The following SCMH1 variants were observed in gnomAD, a reference collection of about 807,000 sequenced individuals.
The protein encoded by SCMH1 is Scm polycomb group protein homolog 1, also known as polycomb protein SCMH1.
A neutral mutation model predicts 70.8 loss-of-function variants in SCMH1; 37 were observed. The ratio of observed to expected loss-of-function variants is 0.52; its 90% CI spans 0.40 to 0.69. The LOEUF (loss-of-function observed/expected upper bound fraction) is 0.69, where lower values mean the gene tolerates loss of function less well. Ranked by LOEUF, SCMH1 falls within the 30% of genes least tolerant of loss-of-function variation. SCMH1 has a pLI of 0.00. For missense variants in SCMH1, 607 were observed against 827.3 expected (o/e 0.73, Z 3.27); for synonymous variants, 292 against 307.4 (o/e 0.95, Z 0.52).
Position 41,037,361 on chromosome 1 carries a change from C to T in SCMH1, c.1678+1G>A, listed in dbSNP as rs772619936. On this transcript the variant is annotated splice_donor_variant, in intron 13 of 14. Transcript: ENST00000337495. LOFTEE classifies it high-confidence loss of function. ...GAGGGCCAGGACTCTGGTAAGCTTA[C>T]CCCTGGAGCATAGCCTGCGCACAGC... 6.2e-7 allele frequency: 1 copy of T among 1,613,684 alleles called. No individual in the cohort carries two copies. The highest frequency in any genetic ancestry group is 8.5e-7 in the Non-Finnish European group (1 of 1,179,788).
At chr1:41,038,273 C>T (rs1219686173) in intron 12 of SCMH1, among the ~76,000 whole-genome samples, 1 of 152,172 alleles carries the variant, frequency 6.6e-6, no homozygotes, top group Non-Finnish European at 1.5e-5. Flanking sequence ...TTTCTATACC[C>T]AGTCCATGGC....
chr1:41,124,676 T>G (rs549994168), intron 6 of SCMH1, among the ~76,000 whole-genome samples: 1 of 152,070 alleles, frequency 6.6e-6, no homozygotes, highest in Non-Finnish European at 1.5e-5. Flanking sequence ...GGTGCAATCA[T>G]GGCTCACAGC....
intron 6 of SCMH1, among the ~76,000 whole-genome samples, chr1:41,125,953 T>C (rs1023434198): frequency 6.6e-6 from 1 of 152,100 alleles, no homozygotes; most frequent in African/African-American, 2.4e-5. Flanking sequence ...GCTTGGAAAA[T>C]ACATATGTAT....
At chr1:41,208,475 G>T (rs1044460753) in intron 1 of SCMH1, among the ~76,000 whole-genome samples, 38 of 150,968 alleles carry the variant, frequency 2.5e-4, no homozygotes, top group Non-Finnish European at 4.6e-4. Context: ...CACATATTTG[G>T]AAGTAAAGCA....
At chr1:41,124,426 T>C (rs777259267) in intron 6 of SCMH1, among the ~76,000 whole-genome samples, 12 of 152,304 alleles carry the variant, frequency 7.9e-5, no homozygotes, top group Non-Finnish European at 1.2e-4. Flanking sequence ...TTGTCATGTT[T>C]CTTCAGTCTC....
intron 8 of SCMH1, among the ~76,000 whole-genome samples, chr1:41,109,966 C>A (rs566965026): frequency 3.3e-5 from 5 of 152,274 alleles, no homozygotes; most frequent in Admixed American, 6.5e-5. Flanking sequence ...GAATAAAGCC[C>A]AGAGCACCAA....
intron 7 of SCMH1, 122 bp downstream of exon 7, chr1:41,116,800 A>G: frequency 1.6e-6 from 1 of 641,142 alleles, no homozygotes; most frequent in East Asian, 3.0e-5. Flanking sequence ...TAAGCTACTA[A>G]AAAATCCTTC....
intron 8 of SCMH1, among the ~76,000 whole-genome samples, chr1:41,091,274 A>T (rs1663409155): frequency 6.6e-6 from 1 of 152,184 alleles, no homozygotes; most frequent in South Asian, 2.1e-4. Context: ...AACAGAACTA[A>T]AGATAAAAAC....
At chr1:41,183,985 T>C (rs1466916611) in intron 2 of SCMH1, among the ~76,000 whole-genome samples, 2 of 152,186 alleles carry the variant, frequency 1.3e-5, no homozygotes, top group Non-Finnish European at 2.9e-5. Flanking sequence ...GTTTCAGTTC[T>C]GCAAGATGAA....
chr1:41,075,750 A>G (rs1051377686), intron 8 of SCMH1, among the ~76,000 whole-genome samples: 1 of 152,226 alleles, frequency 6.6e-6, no homozygotes, highest in African/African-American at 2.4e-5. Flanking sequence ...TATTAATAGA[A>G]TCATAGGCTC....
intron 1 of SCMH1, among the ~76,000 whole-genome samples, chr1:41,234,155 C>T (rs1029185406): frequency 6.6e-6 from 1 of 152,118 alleles, no homozygotes; most frequent in African/African-American, 2.4e-5. Flanking sequence ...CAGTTTAGGG[C>T]CAGGCATGAT....
At chr1:41,133,217 G>A (rs1051403873) in intron 6 of SCMH1, among the ~76,000 whole-genome samples, 5 of 152,038 alleles carry the variant, frequency 3.3e-5, no homozygotes, top group South Asian at 2.1e-4. Flanking sequence ...TTATTTCGTT[G>A]AGCAGTGGTT....
chr1:41,220,830 T>C (rs370655645), intron 1 of SCMH1, among the ~76,000 whole-genome samples: 2 of 152,218 alleles, frequency 1.3e-5, no homozygotes, highest in African/African-American at 4.8e-5. Context: ...CCATGAAGCA[T>C]ACTCAGTCCT....
At chr1:41,056,453 T>C (rs1185698132) in intron 10 of SCMH1, among the ~76,000 whole-genome samples, 1 of 148,194 alleles carries the variant, frequency 6.7e-6, no homozygotes, top group Non-Finnish European at 1.5e-5. Context: ...GTGTATACTG[T>C]CATTTTTTTT....
rs1240701804 is a variant in SCMH1, at chr1:41,146,569, C to T, written c.178-3457G>A. On this transcript the variant is annotated intron_variant, in intron 5 of 14. Transcript: ENST00000337495. ...TATTTTTTTTTTTACTGTACCTTTT[C>T]CATGTTTAGATATGTTTACATAGAC... Among the ~76,000 whole-genome samples the T allele has an allele frequency of 2.0e-5, 3 of 151,816 alleles. No homozygotes were observed. The East Asian group carries it at 5.8e-4, about 29-fold the overall frequency.
intron 5 of SCMH1, among the ~76,000 whole-genome samples, chr1:41,148,985 G>T (rs546297842): frequency 1.4e-4 from 22 of 152,100 alleles, no homozygotes; most frequent in African/African-American, 5.1e-4. Context: ...CAGAGATGGG[G>T]TTTCACCGTG....
chr1:41,215,574 C>A (rs745949097), intron 1 of SCMH1, among the ~76,000 whole-genome samples: 6 of 152,068 alleles, frequency 3.9e-5, no homozygotes, highest in Non-Finnish European at 7.4e-5. Flanking sequence ...TGCAATGAGG[C>A]CCCTTTTCCT....
intron 6 of SCMH1, among the ~76,000 whole-genome samples, chr1:41,123,798 G>A (rs992121230): frequency 2.0e-4 from 30 of 152,318 alleles, no homozygotes; most frequent in African/African-American, 7.0e-4. Context: ...CTGCAAAAGA[G>A]TAATATCCCT....
At chr1:41,186,315 C>A in intron 1 of SCMH1, 65 bp from the exon 2 acceptor site, 1 of 453,488 alleles carries the variant, frequency 2.2e-6, no homozygotes, top group Non-Finnish European at 4.1e-6. Context: ...ACTGAGATCT[C>A]TAATTATTAA....
Sources: gnomAD v4.1 joint callset for allele counts (sites outside exome capture counted in the v4.1 genomes callset) on GRCh38, gnomAD v4.1.1 for gene constraint, MANE v1.5 for transcripts, NCBI Gene and HGNC (gene_info 2026-07-23, HGNC 2026-07-21) for gene names.